The following PLPPR1 variants were observed in gnomAD, a reference collection of about 807,000 sequenced individuals.
The protein encoded by PLPPR1 is phospholipid phosphatase-related protein type 1.
Under a neutral mutation model 33.1 loss-of-function variants are expected in PLPPR1, and 10 were observed. The observed-to-expected ratio is 0.30, with a 90% CI of 0.19 to 0.51. The LOEUF (loss-of-function observed/expected upper bound fraction) is 0.51. Among genes scored for constraint, PLPPR1 ranks in the 20% least tolerant of loss-of-function variants. PLPPR1 has a pLI of 0.97. For missense variants in PLPPR1, 304 were observed against 408.1 expected, an observed-to-expected ratio of 0.74 and a Z score of 2.20; for synonymous variants, 151 against 151.0, an observed-to-expected ratio of 1.00 and a Z score of 0.00.
At position 101,076,546 on chromosome 9, in the gene PLPPR1, G is replaced by A. The variant is rs1401218035; in HGVS notation, c.-46+47444G>A. ...ATGTCTGTACCTGAAAATGCAAATA[G>A]CAATTCCCTACTGTGAGATGTCAGA... is the stretch of plus-strand genomic sequence containing the variant. On this transcript the variant is annotated intron_variant, in intron 1 of 7. Coordinates refer to ENST00000374874, the MANE Select transcript of PLPPR1 (RefSeq NM_207299.2). Among the ~76,000 whole-genome samples the A allele has an allele frequency of 2.0e-5, 3 of 152,168 alleles. No individual in the cohort carries two copies. The East Asian group carries it at 5.8e-4, about 29-fold the overall frequency.
chr9:101,266,424 G>T lies in PLPPR1; in HGVS notation c.64-3456G>T, dbSNP rs373088550. Among the ~76,000 whole-genome samples, 1,273 of 143,660 alleles carry T rather than the reference G, an allele frequency of 8.9e-3. 17 individuals carry two copies. The highest frequency in any genetic ancestry group is 0.024 in the African/African-American group (945 of 38,864). 94.2% of individuals were successfully genotyped at this position (143,660 alleles called of 152,430 possible). On this transcript the variant is annotated intron_variant, in intron 2 of 7. Transcript: ENST00000374874. ...AAAAAAAAAGAAAGAAAGAAAGAAA[G>T]AAATAAAGAAAAAGAAAATTACAAG...
intron 1 of PLPPR1, among the ~76,000 whole-genome samples, chr9:101,087,206 T>TA (rs1040500736): frequency 2.4e-4 from 35 of 143,936 alleles, no homozygotes; most frequent in Non-Finnish European, 4.7e-4. Context: ...AAAATAAAAA[T>TA]AAAAAAAATT....
intron 1 of PLPPR1, among the ~76,000 whole-genome samples, chr9:101,146,912 A>G (rs942192426): frequency 6.6e-6 from 1 of 152,240 alleles, no homozygotes; most frequent in African/African-American, 2.4e-5. Context: ...AAGAATTTTA[A>G]GAAACTTCTG....
intron 5 of PLPPR1, 114 bp from the exon 6 acceptor site, chr9:101,312,684 G>T: frequency 1.4e-6 from 1 of 714,016 alleles, no homozygotes; most frequent in Non-Finnish European, 2.4e-6. Context: ...TAGTGTGGTT[G>T]CTTTGACACA....
chr9:101,173,665 C>T (rs141273817), intron 1 of PLPPR1, among the ~76,000 whole-genome samples: 1 of 152,234 alleles, frequency 6.6e-6, no homozygotes, highest in East Asian at 1.9e-4. Flanking sequence ...GTTTCTTCAC[C>T]AGCTCAAAAA....
intron 1 of PLPPR1, among the ~76,000 whole-genome samples, chr9:101,072,414 T>G (rs1830492231): frequency 6.6e-6 from 1 of 152,104 alleles, no homozygotes; most frequent in Non-Finnish European, 1.5e-5. Context: ...CTGCATGCAT[T>G]CCATTATAGC....
intron 1 of PLPPR1, among the ~76,000 whole-genome samples, chr9:101,134,365 T>C (rs1474696554): frequency 1.3e-5 from 2 of 150,826 alleles, no homozygotes; most frequent in East Asian, 3.9e-4. Context: ...AAGTGATATA[T>C]TGTGGTCTGT....
chr9:101,050,457 G>T (rs1830207920), intron 1 of PLPPR1, among the ~76,000 whole-genome samples: 2 of 152,172 alleles, frequency 1.3e-5, no homozygotes. Flanking sequence ...AAGGGCTTGG[G>T]TCTTATTTTT....
intron 1 of PLPPR1, among the ~76,000 whole-genome samples, chr9:101,059,406 A>G (rs1370159344): frequency 6.6e-6 from 1 of 152,118 alleles, no homozygotes; most frequent in Non-Finnish European, 1.5e-5. Flanking sequence ...AAATTTATGA[A>G]TTAAGGATCT....
chr9:101,029,887 A>G (rs1035336549), intron 1 of PLPPR1, among the ~76,000 whole-genome samples: 8 of 152,340 alleles, frequency 5.3e-5, no homozygotes, highest in African/African-American at 1.2e-4. Context: ...GGCAGTGGGA[A>G]GACGGGGCTT....
At chr9:101,219,336 A>T (rs1826876508) in intron 2 of PLPPR1, among the ~76,000 whole-genome samples, 1 of 152,198 alleles carries the variant, frequency 6.6e-6, no homozygotes, top group Non-Finnish European at 1.5e-5. Context: ...TACGTGAGAA[A>T]AGAAGCATTT....
At chr9:101,152,827 T>C (rs1428612303) in intron 1 of PLPPR1, among the ~76,000 whole-genome samples, 1 of 152,212 alleles carries the variant, frequency 6.6e-6, no homozygotes, top group Non-Finnish European at 1.5e-5. Flanking sequence ...TGAAGTCAGG[T>C]AGCGTGTTGC....
At chr9:101,108,462 G>A (rs548650720) in intron 1 of PLPPR1, among the ~76,000 whole-genome samples, 2 of 152,332 alleles carry the variant, frequency 1.3e-5, no homozygotes, top group East Asian at 3.9e-4. Flanking sequence ...ATTATGCAAT[G>A]TTTTGGATAA....
chr9:101,054,900 C>T (rs1830263555), intron 1 of PLPPR1, among the ~76,000 whole-genome samples: 1 of 152,100 alleles, frequency 6.6e-6, no homozygotes, highest in Non-Finnish European at 1.5e-5. Context: ...ACGGAGAGCC[C>T]CCGGCCCTGC....
Position 101,312,932 on chromosome 9 carries a change from G to C in PLPPR1, c.771G>C (p.Val257=). ...AGTATCGGAACCACTGCTCGGACGTGATTGCTGGTTTCATCCTGGGCACTG... is the reference window on the plus strand; with the variant it reads ...AGTATCGGAACCACTGCTCGGACGTCATTGCTGGTTTCATCCTGGGCACTG... ...VSEYRNHCSD[V]IAGFILGTAV... Residue 257 remains valine, a synonymous_variant, in exon 6 of 8, where the codon GTG becomes GTC. Coordinates refer to ENST00000374874, the MANE Select transcript of PLPPR1 (RefSeq NM_207299.2). 1 of 1,614,142 alleles carries C rather than the reference G, an allele frequency of 6.2e-7. No homozygotes were observed. The highest frequency in any genetic ancestry group is 8.5e-7 in the Non-Finnish European group (1 of 1,180,030).
rs181777801 is a variant in PLPPR1, at chr9:101,121,552, G to A, written c.-45-63898G>A. ...TTAGTTGCAAATAATATTTAATACA[G>A]TAATACATAATCAAGGAGTATTTTT... On this transcript the variant is annotated intron_variant, in intron 1 of 7. Coordinates refer to ENST00000374874, the MANE Select transcript of PLPPR1 (RefSeq NM_207299.2). 7.9e-5 allele frequency among the ~76,000 whole-genome samples: 12 copies of A among 152,312 alleles called. No homozygotes were observed. In the East Asian group the frequency reaches 2.3e-3, roughly 29 times the overall value.
chr9:101,237,856 A>G lies in PLPPR1; in HGVS notation c.64-32024A>G, dbSNP rs545192937. Among the ~76,000 whole-genome samples, 811 of 133,740 alleles carry G rather than the reference A, an allele frequency of 6.1e-3. 12 individuals carry two copies. Among genetic ancestry groups the G allele is most frequent in the African/African-American group, 0.021 (760 of 35,872 alleles). 87.7% of individuals were successfully genotyped at this position (133,740 alleles called of 152,430 possible). A position where few individuals can be genotyped will look rare whatever the true frequency, so the allele number is the denominator to read the frequency against. On this transcript the variant is annotated intron_variant, in intron 2 of 7. Coordinates refer to ENST00000374874, the MANE Select transcript of PLPPR1 (RefSeq NM_207299.2). ...ATATATGCTATATATGTGTGTGTGT[A>G]TATATATATATACACACACATATAT...
At chr9:101,085,424 G>T (rs1026520924) in intron 1 of PLPPR1, among the ~76,000 whole-genome samples, 2 of 152,148 alleles carry the variant, frequency 1.3e-5, no homozygotes, top group Non-Finnish European at 2.9e-5. Flanking sequence ...AGGTCAGTAA[G>T]GAAGATGAAG....
At chr9:101,109,943 T>G (rs1831032279) in intron 1 of PLPPR1, among the ~76,000 whole-genome samples, 2 of 152,200 alleles carry the variant, frequency 1.3e-5, no homozygotes, top group South Asian at 4.1e-4. Flanking sequence ...TGAGTGACTC[T>G]GCTTTAGGAA....
Sources: allele counts gnomAD v4.1 joint callset (sites outside exome capture counted in the v4.1 genomes callset), GRCh38; gene constraint gnomAD v4.1.1; transcripts MANE v1.5; gene names NCBI Gene and HGNC (gene_info 2026-07-23, HGNC 2026-07-21).